Variants in MACROD2 observed in about 807,000 individuals in gnomAD.
The protein encoded by MACROD2 is ADP-ribose glycohydrolase MACROD2.
MACROD2 carries 36 observed loss-of-function variants against 70.4 expected under a neutral mutation model. The observed-to-expected ratio is 0.51, with a 90% CI of 0.39 to 0.68. MACROD2 has a LOEUF of 0.68. Ranked by LOEUF, MACROD2 falls within the 30% of genes least tolerant of loss-of-function variation. The pLI, the probability that MACROD2 is intolerant of heterozygous loss-of-function variation, is 0.00. For missense variants in MACROD2, 496 were observed against 538.4 expected, an observed-to-expected ratio of 0.92 and a Z score of 0.78; for synonymous variants, 172 against 178.8, an observed-to-expected ratio of 0.96 and a Z score of 0.30.
chr20:14,967,997 A>AT (rs1568903098), intron 5 of MACROD2, among the ~76,000 whole-genome samples: 1 of 152,120 alleles, frequency 6.6e-6, no homozygotes, highest in Non-Finnish European at 1.5e-5. Context: ...AGTTATTAAT[A>AT]TTTTTATGCT....
chr20:14,095,272 G>A (rs1277944354), intron 3 of MACROD2, among the ~76,000 whole-genome samples: 2 of 152,112 alleles, frequency 1.3e-5, no homozygotes, highest in African/African-American at 4.8e-5. Flanking sequence ...AAAAAAAATT[G>A]TGGGAAACTT....
rs2048107765 is a variant in MACROD2, at chr20:15,552,116, T to A, written c.645+52269T>A. The A allele has an allele frequency of 2.0e-5, 3 of 152,250 alleles. No individual in the cohort carries two copies. The South Asian group carries it at 6.2e-4, about 32-fold the overall frequency. The allele number at this position is 152,250 out of a possible 1,614,324, so 9.4% of individuals were successfully genotyped here. On this transcript the variant is annotated intron_variant, in intron 8 of 17. Transcript: ENST00000684519. Reference sequence around the variant, plus strand: ...GTATATGGAGTAGGAACACATGTTTTCCTCCCCTCCTCATAGGTTTCTAGA... The same window carrying A: ...GTATATGGAGTAGGAACACATGTTTACCTCCCCTCCTCATAGGTTTCTAGA...
At chr20:15,648,773 A>C (rs921939434) in intron 8 of MACROD2, among the ~76,000 whole-genome samples, 9 of 152,062 alleles carry the variant, frequency 5.9e-5, no homozygotes, top group Non-Finnish European at 7.4e-5. Flanking sequence ...CTCTTATTAA[A>C]CTTATCCCTT....
At chr20:16,013,765 T>C (rs1232594109) in intron 15 of MACROD2, among the ~76,000 whole-genome samples, 3 of 152,228 alleles carry the variant, frequency 2.0e-5, no homozygotes, top group Admixed American at 1.3e-4. Context: ...AGAGTGACAT[T>C]GCAATTTACC....
intron 5 of MACROD2, among the ~76,000 whole-genome samples, chr20:14,883,103 C>A (rs1431174140): frequency 6.6e-6 from 1 of 152,146 alleles, no homozygotes; most frequent in Non-Finnish European, 1.5e-5. Context: ...ATTGACCTAA[C>A]ATGTTTTAAA....
intron 5 of MACROD2, among the ~76,000 whole-genome samples, chr20:14,803,275 A>G (rs2072600127): frequency 6.6e-6 from 1 of 152,078 alleles, no homozygotes; most frequent in East Asian, 1.9e-4. Flanking sequence ...TACAGAATTG[A>G]AGGGAAATAC....
chr20:14,420,671 G>T (rs1259794448), intron 3 of MACROD2, among the ~76,000 whole-genome samples: 2 of 151,964 alleles, frequency 1.3e-5, no homozygotes, highest in Non-Finnish European at 2.9e-5. Context: ...CTTATTCTGG[G>T]GTTTTTCTTT....
chr20:15,221,185 A>C (rs890054425), intron 5 of MACROD2, among the ~76,000 whole-genome samples: 5 of 152,324 alleles, frequency 3.3e-5, no homozygotes, highest in African/African-American at 1.2e-4. Flanking sequence ...CTGGTTTTGC[A>C]TCTCTCTGAA....
chr20:14,247,897 T>A (rs554436588), intron 3 of MACROD2, among the ~76,000 whole-genome samples: 2 of 152,302 alleles, frequency 1.3e-5, no homozygotes, highest in South Asian at 4.1e-4. Context: ...CTGCTTCTTA[T>A]GTTTTTTCTT....
chr20:14,675,467 G>A (rs1260178184), intron 4 of MACROD2, among the ~76,000 whole-genome samples: 5 of 152,106 alleles, frequency 3.3e-5, no homozygotes, highest in Non-Finnish European at 7.3e-5. Flanking sequence ...CTTCATAAGT[G>A]AAGGAGAAAT....
chr20:15,295,186 T>A (rs2146114550), intron 6 of MACROD2, among the ~76,000 whole-genome samples: 1 of 152,310 alleles, frequency 6.6e-6, no homozygotes, highest in African/African-American at 2.4e-5. Flanking sequence ...GAGACATGCC[T>A]TTGCTCTTCC....
At chr20:15,496,942 T>A (rs1453555757) in intron 7 of MACROD2, among the ~76,000 whole-genome samples, 1 of 152,158 alleles carries the variant, frequency 6.6e-6, no homozygotes. Flanking sequence ...CAACTACAGT[T>A]GTCTGGGTGA....
rs188958602 is a variant in MACROD2, at chr20:15,828,458, G to A, written c.646-34287G>A. On this transcript the variant is annotated intron_variant, in intron 8 of 17. Coordinates refer to ENST00000684519, the MANE Select transcript of MACROD2 (RefSeq NM_001351661.2). ...AATGATCAGATTCTACTCTACTTCC[G>A]TTCAAAGGTACAAGGTAACAAATAT... Among the ~76,000 whole-genome samples, 6 of 152,184 alleles carry A rather than the reference G, an allele frequency of 3.9e-5. No homozygotes were observed. The East Asian group carries it at 7.7e-4, about 20-fold the overall frequency.
chr20:14,266,674 T>C (rs2082147239), intron 3 of MACROD2, among the ~76,000 whole-genome samples: 1 of 152,180 alleles, frequency 6.6e-6, no homozygotes. Context: ...TGGGAAGTTA[T>C]TGTTTTCTGT....
intron 8 of MACROD2, among the ~76,000 whole-genome samples, chr20:15,571,012 C>G (rs1014501020): frequency 6.6e-6 from 1 of 152,118 alleles, no homozygotes; most frequent in Non-Finnish European, 1.5e-5. Flanking sequence ...TCTTTCTACC[C>G]ACTATTATCA....
At chr20:15,427,399 G>T (rs2046312655) in intron 6 of MACROD2, among the ~76,000 whole-genome samples, 1 of 152,244 alleles carries the variant, frequency 6.6e-6, no homozygotes, top group African/African-American at 2.4e-5. Flanking sequence ...TCTTCTGCTA[G>T]ATCTGATAGG....
intron 3 of MACROD2, among the ~76,000 whole-genome samples, chr20:14,438,003 T>A (rs1005635736): frequency 6.6e-5 from 10 of 152,206 alleles, no homozygotes; most frequent in Admixed American, 5.2e-4. Flanking sequence ...AATATACTGC[T>A]ATTAACTATA....
chr20:15,353,013 A>G (rs976588526), intron 6 of MACROD2, among the ~76,000 whole-genome samples: 2 of 152,028 alleles, frequency 1.3e-5, no homozygotes, highest in African/African-American at 4.8e-5. Flanking sequence ...TTTAAAGTTC[A>G]TATGGAACCA....
intron 3 of MACROD2, among the ~76,000 whole-genome samples, chr20:14,107,885 T>C (rs1247535638): frequency 6.6e-6 from 1 of 151,982 alleles, no homozygotes; most frequent in Non-Finnish European, 1.5e-5. Context: ...CTAAAGGGAG[T>C]TCTTCAGTCT....
Sources: allele counts gnomAD v4.1 joint callset (sites outside exome capture counted in the v4.1 genomes callset), GRCh38; gene constraint gnomAD v4.1.1; transcripts MANE v1.5; gene names NCBI Gene and HGNC (gene_info 2026-07-23, HGNC 2026-07-21).